Variants in ZBTB7A observed in about 807,000 individuals in gnomAD.
ZBTB7A encodes zinc finger and BTB domain-containing protein 7A.
Under a neutral mutation model 26.7 loss-of-function variants are expected in ZBTB7A, and 7 were observed. The observed-to-expected ratio is 0.26, with a 90% confidence interval of 0.15 to 0.49. The LOEUF is 0.49. Among genes scored for constraint, ZBTB7A ranks in the 20% least tolerant of loss-of-function variants. The pLI, the probability that ZBTB7A is intolerant of heterozygous loss-of-function variation, is 0.98. For missense variants in ZBTB7A, 617 were observed against 919.5 expected, an observed-to-expected ratio of 0.67 and a Z score of 4.25; for synonymous variants, 452 against 441.0, an observed-to-expected ratio of 1.02 and a Z score of -0.31.
intron 1 of ZBTB7A, among the ~76,000 whole-genome samples, chr19:4,058,252 TCCTGCCTGCCCACAGGACTG>T (rs1312304950): frequency 6.6e-6 from 1 of 152,084 alleles, no homozygotes; most frequent in Admixed American, 6.5e-5. Context: ...CCTGTCCACC[TCCTGCCTGCCCACAGGACTG>T]CCTGGCAGCC....
chr19:4,055,716 G>C (rs761956590), intron 1 of ZBTB7A, among the ~76,000 whole-genome samples: 11 of 152,112 alleles, frequency 7.2e-5, no homozygotes, highest in Non-Finnish European at 1.2e-4. Context: ...CCAGCTACTC[G>C]GGAGGCTGAG....
At position 4,055,239 on chromosome 19, in the gene ZBTB7A, C is replaced by T. The variant is rs1015789906; in HGVS notation, c.-7G>A. On this transcript the variant is annotated 5_prime_UTR_variant, in exon 2 of 3. Coordinates refer to ENST00000322357, the MANE Select transcript of ZBTB7A (RefSeq NM_015898.4). ...CGTCCACGCCGCCGGCCATCTTCCG[C>T]GCCGAGACCTGCAGCAGTGGGGAAG... The T allele has an allele frequency of 6.7e-6, 10 of 1,483,980 alleles. No individual in the cohort carries two copies. The highest frequency in any genetic ancestry group is 1.4e-5 in the African/African-American group (1 of 71,570). The allele number at this position is 1,483,980 out of a possible 1,614,324, so 91.9% of individuals were successfully genotyped here. A position where few individuals can be genotyped will look rare whatever the true frequency, so the allele number is the denominator to read the frequency against.
intron 1 of ZBTB7A, among the ~76,000 whole-genome samples, chr19:4,065,919 G>GC (rs1221811521): frequency 7.0e-6 from 1 of 141,976 alleles, no homozygotes; most frequent in African/African-American, 2.5e-5. Context: ...TGGCGGGCTG[G>GC]CCCCGCCCCC....
Position 4,055,227 on chromosome 19 carries a change from G to C in ZBTB7A, c.6C>G (p.Ala2=), listed in dbSNP as rs1003505874. The C allele has an allele frequency of 1.3e-6, 2 of 1,511,564 alleles. No individual in the cohort carries two copies. Among genetic ancestry groups the C allele is most frequent in the African/African-American group, 2.8e-5 (2 of 72,378 alleles). 93.6% of individuals were successfully genotyped at this position (1,511,564 alleles called of 1,614,324 possible). ...TCCCGATGGGGCCGTCCACGCCGCC[G>C]GCCATCTTCCGCGCCGAGACCTGCA... M[A]GGVDGPIGIP... Residue 2 remains alanine, a synonymous_variant, in exon 2 of 3, where the codon GCC becomes GCG. Coordinates refer to ENST00000322357, the MANE Select transcript of ZBTB7A (RefSeq NM_015898.4).
Position 4,053,965 on chromosome 19 carries a change from G to A in ZBTB7A, c.1262+6C>T, listed in dbSNP as rs1190305936. On this transcript the variant is annotated splice_donor_region_variant and intron_variant, in intron 2 of 2. Transcript: ENST00000322357. ...GACGGCGCCTCCCCCGCGGCGGGCA[G>A]CTCACCTGGTGAAGCGGACCTTGCA... is the stretch of plus-strand genomic sequence containing the variant. The A allele has an allele frequency of 3.1e-6, 5 of 1,591,296 alleles. No individual in the cohort carries two copies. The highest frequency in any genetic ancestry group is 2.7e-5 in the African/African-American group (2 of 74,748).
At chr19:4,051,769 G>T (rs1468373742) in intron 2 of ZBTB7A, among the ~76,000 whole-genome samples, 1 of 152,238 alleles carries the variant, frequency 6.6e-6, no homozygotes, top group South Asian at 2.1e-4. Context: ...TTCTAGAACC[G>T]TGCAGAGACT....
intron 2 of ZBTB7A, among the ~76,000 whole-genome samples, chr19:4,051,455 C>G (rs1331540630): frequency 6.6e-6 from 1 of 152,224 alleles, no homozygotes; most frequent in East Asian, 1.9e-4. Context: ...GTCCCTCCCT[C>G]TGGCACCAGC....
intron 1 of ZBTB7A, among the ~76,000 whole-genome samples, chr19:4,057,103 CT>C (rs2040588555): frequency 6.7e-6 from 1 of 150,184 alleles, no homozygotes; most frequent in African/African-American, 2.5e-5. Context: ...AATCCCAGCA[CT>C]TTGGGAAGCC....
chr19:4,065,017 C>T (rs2040677540), intron 1 of ZBTB7A, among the ~76,000 whole-genome samples: 1 of 151,760 alleles, frequency 6.6e-6, no homozygotes, highest in Non-Finnish European at 1.5e-5. Flanking sequence ...CCGCTCCGCT[C>T]AGCCCCCAGC....
At position 4,047,972 on chromosome 19, in the gene ZBTB7A, G is replaced by A; in HGVS notation, c.1535C>T (p.Pro512Leu). Residue 512 changes from proline (P) to leucine (L), a missense_variant, in exon 3 of 3, where the codon CCG becomes CTG. Coordinates refer to ENST00000322357, the MANE Select transcript of ZBTB7A (RefSeq NM_015898.4). ...RVRGGAPDPS[P>L]GATATPGAPA... ...GGCGCCGGGGGTCGCGGTGGCCCCC[G>A]GGCTGGGGTCGGGCGCCCCGCCCCG... 2.4e-6 allele frequency: 3 copies of A among 1,243,080 alleles called. No homozygotes were observed. The highest frequency in any genetic ancestry group is 3.6e-5 in the East Asian group (1 of 27,534). The allele number at this position is 1,243,080 out of a possible 1,614,324, so 77.0% of individuals were successfully genotyped here.
chr19:4,055,314 A>C, intron 1 of ZBTB7A, 67 bp from the exon 2 acceptor site: 1 of 1,426,264 alleles, frequency 7.0e-7, no homozygotes, highest in Non-Finnish European at 9.1e-7. Flanking sequence ...CCCACTGACA[A>C]GGGCCCGAGG....
intron 1 of ZBTB7A, among the ~76,000 whole-genome samples, chr19:4,055,944 A>G (rs763276555): frequency 4.6e-5 from 7 of 152,192 alleles, no homozygotes; most frequent in Non-Finnish European, 1.0e-4. Context: ...CCATCTGTGC[A>G]TGAGGATAGC....
chr19:4,058,448 T>TC (rs58300298), intron 1 of ZBTB7A, among the ~76,000 whole-genome samples: 93,267 of 151,660 alleles, frequency 0.61, 32,982 homozygotes, highest in East Asian at 0.95. Flanking sequence ...CTCCCTTTTT[T>TC]CCGCCTTCCC....
intron 1 of ZBTB7A, among the ~76,000 whole-genome samples, chr19:4,066,388 C>T (rs955510542): frequency 7.9e-5 from 12 of 150,948 alleles, no homozygotes; most frequent in South Asian, 4.2e-4. Context: ...CCCCGCTCCC[C>T]GCGCGCCTGG....
intron 2 of ZBTB7A, 70 bp downstream of exon 2, chr19:4,053,901 G>A: frequency 6.7e-7 from 1 of 1,503,732 alleles, no homozygotes; most frequent in South Asian, 1.3e-5. Context: ...GAGAGAGGCG[G>A]GAGGGGTCGT....
At position 4,052,977 on chromosome 19, in the gene ZBTB7A, G is replaced by A. The variant is rs905639253; in HGVS notation, c.1262+994C>T. On this transcript the variant is annotated intron_variant, in intron 2 of 2. Coordinates refer to ENST00000322357, the MANE Select transcript of ZBTB7A (RefSeq NM_015898.4). This position sits in a 1 kb window ranked among gnomAD's most constrained non-coding sequence, Gnocchi z 4.9. ...TAGAACAGGCCTGGCACCAGCAGAC[G>A]CTTCATAAATGTTGGCTGATTGAAG... is the stretch of plus-strand genomic sequence containing the variant. Among the ~76,000 whole-genome samples the A allele has an allele frequency of 2.0e-5, 3 of 152,170 alleles. No individual in the cohort carries two copies. The highest frequency in any genetic ancestry group is 4.4e-5 in the Non-Finnish European group (3 of 68,040).
intron 2 of ZBTB7A, 82 bp downstream of exon 2, chr19:4,053,889 G>T: frequency 6.7e-7 from 1 of 1,490,408 alleles, no homozygotes. Context: ...GTGCGGTGCA[G>T]GGAGAGAGGC....
At position 4,052,890 on chromosome 19, in the gene ZBTB7A, C is replaced by A. The variant is rs1321763455; in HGVS notation, c.1262+1081G>T. On this transcript the variant is annotated intron_variant, in intron 2 of 2. Transcript: ENST00000322357. The surrounding 1 kb of genome is among the most constrained non-coding windows in gnomAD (Gnocchi z 4.9). ...CACTGGCTGTTCCCTCTGCCTGGAA[C>A]GCCCTTTCCCACAGCTGCTCCTCCC... is the stretch of plus-strand genomic sequence containing the variant. Among the ~76,000 whole-genome samples, 1 of 152,232 alleles carries A rather than the reference C, an allele frequency of 6.6e-6. No individual in the cohort carries two copies. Among genetic ancestry groups the A allele is most frequent in the Non-Finnish European group, 1.5e-5 (1 of 68,048 alleles).
Position 4,054,565 on chromosome 19 carries a change from C to T in ZBTB7A, c.668G>A (p.Gly223Asp). 6.7e-7 allele frequency: 1 copy of T among 1,502,376 alleles called. No individual in the cohort carries two copies. Among genetic ancestry groups the T allele is most frequent in the Non-Finnish European group, 8.8e-7 (1 of 1,137,530 alleles). The allele number at this position is 1,502,376 out of a possible 1,614,324, so 93.1% of individuals were successfully genotyped here. ...CGTCGGGGGCCGCTCGGCCGGGGGG[C>T]CCGGCCCATAGAAGTCTAAGCCGTT... ...DCNGLDFYGP[G>D]PPAERPPTGD... The change falls in exon 2 of 3, where the codon GGC (glycine) becomes GAC (aspartate). Residue 223 changes from glycine (G) to aspartate (D), a missense_variant. Around this residue, in one of 5 missense-constraint regions of ZBTB7A, gnomAD observed 331 missense variants for 391.3 expected, o/e 0.85. Transcript: ENST00000322357.
Sources: allele counts gnomAD v4.1 joint callset (sites outside exome capture counted in the v4.1 genomes callset), GRCh38; gene constraint gnomAD v4.1.1; regional missense constraint gnomAD v4.1.1; non-coding constraint Gnocchi (gnomAD v3.1); transcripts MANE v1.5; gene names NCBI Gene and HGNC (gene_info 2026-07-23, HGNC 2026-07-21).